The following AEBP2 variants were observed in gnomAD, a reference collection of about 807,000 sequenced individuals.
AEBP2 encodes the protein zinc finger protein AEBP2.
Under a neutral mutation model 50.8 loss-of-function variants are expected in AEBP2, and 10 were observed. That is an observed-to-expected ratio of 0.20 (90% CI 0.12 to 0.33). The LOEUF (loss-of-function observed/expected upper bound fraction) is 0.33. AEBP2 is among the 10% of genes least tolerant of loss of function. The probability of loss-of-function intolerance (pLI) is 1.00; values close to 1 mark genes in which losing one functional copy is unlikely to be tolerated. For missense variants in AEBP2, 570 were observed against 688.0 expected (o/e 0.83, Z 1.92); for synonymous variants, 296 against 261.3 (o/e 1.13, Z -1.28).
At chr12:19,460,499 G>A (rs947548652) in intron 1 of AEBP2, among the ~76,000 whole-genome samples, 4 of 152,060 alleles carry the variant, frequency 2.6e-5, no homozygotes, top group South Asian at 2.1e-4. Context: ...GATTACAGGC[G>A]TGTGCCACCA....
chr12:19,514,617 G>C, intron 6 of AEBP2, 54 bp from the exon 7 acceptor site: 7 of 1,338,970 alleles, frequency 5.2e-6, no homozygotes, highest in Non-Finnish European at 6.3e-6. Context: ...GCACATGGAA[G>C]TGTAAATCTA....
intron 1 of AEBP2, among the ~76,000 whole-genome samples, chr12:19,458,052 CAT>C (rs1373704343): frequency 5.9e-5 from 9 of 152,136 alleles, no homozygotes; most frequent in African/African-American, 1.9e-4. Context: ...AAAAATTTAA[CAT>C]ATGTATGGTC....
At chr12:19,497,267 T>C (rs1438299391) in intron 4 of AEBP2, among the ~76,000 whole-genome samples, 2 of 149,062 alleles carry the variant, frequency 1.3e-5, no homozygotes, top group Admixed American at 6.7e-5. Context: ...AGATAAATCA[T>C]ACAATATATG....
chr12:19,462,990 C>T (rs1948404678), intron 2 of AEBP2, among the ~76,000 whole-genome samples: 1 of 152,160 alleles, frequency 6.6e-6, no homozygotes, highest in African/African-American at 2.4e-5. Context: ...TTAATGAATA[C>T]AGTGTATTCC....
intron 3 of AEBP2, among the ~76,000 whole-genome samples, chr12:19,487,576 A>C (rs76864950): frequency 0.041 from 6,226 of 152,106 alleles, 193 homozygotes; most frequent in East Asian, 0.074. Flanking sequence ...AAATTAGCCA[A>C]GTGTGGTGGC....
intron 4 of AEBP2, among the ~76,000 whole-genome samples, chr12:19,497,633 G>A (rs750837552): frequency 4.6e-5 from 7 of 151,994 alleles, no homozygotes; most frequent in South Asian, 2.1e-4. Flanking sequence ...CTACCATGCC[G>A]GGCTAATTTT....
At chr12:19,502,651 T>A (rs1358223215) in intron 5 of AEBP2, among the ~76,000 whole-genome samples, 1 of 149,562 alleles carries the variant, frequency 6.7e-6, no homozygotes, top group Non-Finnish European at 1.5e-5. Context: ...GTTTGTCTAT[T>A]CTTTTTTTTT....
intron 1 of AEBP2, among the ~76,000 whole-genome samples, chr12:19,446,995 G>A (rs796465436): frequency 2.6e-5 from 4 of 152,282 alleles, no homozygotes; most frequent in African/African-American, 9.6e-5. Context: ...TAAAGATTTT[G>A]TGTGGGAAGG....
chr12:19,509,673 G>A (rs1477259144), intron 5 of AEBP2, among the ~76,000 whole-genome samples: 2 of 152,146 alleles, frequency 1.3e-5, no homozygotes, highest in Non-Finnish European at 2.9e-5. Context: ...CTCAAGGCTA[G>A]GAGACAGAGG....
chr12:19,444,001 G>T (rs1948012638), intron 1 of AEBP2, among the ~76,000 whole-genome samples: 1 of 151,926 alleles, frequency 6.6e-6, no homozygotes, highest in South Asian at 2.1e-4. Context: ...AAGTATTTTG[G>T]TTATAAAGAT....
At chr12:19,444,517 G>T (rs986732222) in intron 1 of AEBP2, among the ~76,000 whole-genome samples, 28 of 152,224 alleles carry the variant, frequency 1.8e-4, no homozygotes, top group African/African-American at 6.5e-4. Flanking sequence ...CAGATCACAT[G>T]AGGTCAGGAG....
At chr12:19,458,210 T>C (rs1948307479) in intron 1 of AEBP2, among the ~76,000 whole-genome samples, 1 of 152,252 alleles carries the variant, frequency 6.6e-6, no homozygotes, top group South Asian at 2.1e-4. Context: ...TGTCCTCTAC[T>C]GTTGCATCAG....
At chr12:19,507,488 A>G (rs1451469300) in intron 5 of AEBP2, among the ~76,000 whole-genome samples, 1 of 152,232 alleles carries the variant, frequency 6.6e-6, no homozygotes, top group Non-Finnish European at 1.5e-5. Flanking sequence ...ATGAAAATGA[A>G]AAGCTTTTGA....
intron 1 of AEBP2, among the ~76,000 whole-genome samples, chr12:19,425,538 G>A (rs1450317832): frequency 6.6e-6 from 1 of 151,990 alleles, no homozygotes; most frequent in Non-Finnish European, 1.5e-5. Context: ...AGGCAAGCTG[G>A]GTGGATCACC....
At chr12:19,457,070 C>G in intron 1 of AEBP2, 1 of 1,606,672 alleles carries the variant, frequency 6.2e-7, no homozygotes, top group Non-Finnish European at 8.5e-7. Context: ...GGCACAAATG[C>G]TTCTGTGTCG....
At chr12:19,472,733 T>G (rs1175556287) in intron 2 of AEBP2, among the ~76,000 whole-genome samples, 2 of 152,164 alleles carry the variant, frequency 1.3e-5, no homozygotes, top group African/African-American at 4.8e-5. Flanking sequence ...ATATCACCAG[T>G]AAAAGATTGT....
chr12:19,465,849 T>C (rs1948463981), intron 2 of AEBP2, among the ~76,000 whole-genome samples: 1 of 148,428 alleles, frequency 6.7e-6, no homozygotes, highest in Non-Finnish European at 1.5e-5. Context: ...TGGAGTGCAG[T>C]GGCACGACCT....
chr12:19,460,205 G>A (rs1047317010), intron 1 of AEBP2, among the ~76,000 whole-genome samples: 3 of 152,134 alleles, frequency 2.0e-5, no homozygotes, highest in African/African-American at 7.2e-5. Context: ...TGAAGACCCT[G>A]TCTTAACATC....
chr12:19,451,796 TACTC>T (rs1388382090), intron 1 of AEBP2, among the ~76,000 whole-genome samples: 1 of 152,152 alleles, frequency 6.6e-6, no homozygotes, highest in East Asian at 1.9e-4. Flanking sequence ...TGAGCTCTGA[TACTC>T]AAGCCATCCT....
Sources: allele counts gnomAD v4.1 joint callset (sites outside exome capture counted in the v4.1 genomes callset), GRCh38; gene constraint gnomAD v4.1.1; transcripts MANE v1.5; gene names NCBI Gene and HGNC (gene_info 2026-07-23, HGNC 2026-07-21).